The following PTPN22 variants were observed in gnomAD, a reference collection of about 807,000 sequenced individuals.
PTPN22 encodes the protein protein tyrosine phosphatase non-receptor type 22, also known as tyrosine-protein phosphatase non-receptor type 22.
A neutral mutation model predicts 103.3 loss-of-function variants in PTPN22; 85 were observed. The observed-to-expected ratio is 0.82, with a 90% confidence interval of 0.69 to 0.99. The LOEUF is 0.99. Among genes scored for constraint, PTPN22 ranks in the 50% least tolerant of loss-of-function variants. PTPN22 has a pLI of 0.00. For missense variants in PTPN22, 865 were observed against 936.9 expected (o/e 0.92, Z 1.00); for synonymous variants, 323 against 310.2 (o/e 1.04, Z -0.43).
chr1:113,825,197 GTTTT>G (rs572544778), intron 18 of PTPN22, 25 bp from the exon 19 acceptor site: 1 of 1,409,594 alleles, frequency 7.1e-7, no homozygotes, highest in Admixed American at 2.1e-5. Context: ...AAAAATGTTA[GTTTT>G]TTTTCCTGTG....
chr1:113,845,584 T>C (rs1251879921), intron 11 of PTPN22, among the ~76,000 whole-genome samples: 7 of 152,226 alleles, frequency 4.6e-5, no homozygotes, highest in Admixed American at 4.6e-4. Context: ...ATATTTTCCA[T>C]AAGCACTTTA....
intron 20 of PTPN22, 59 bp downstream of exon 20, chr1:113,819,518 T>C: frequency 7.8e-7 from 1 of 1,281,698 alleles, no homozygotes; most frequent in Non-Finnish European, 1.1e-6. Flanking sequence ...GAATCAGTTA[T>C]ACTGTAAATG....
intron 1 of PTPN22, among the ~76,000 whole-genome samples, chr1:113,861,078 G>A (rs1250641481): frequency 6.6e-6 from 1 of 152,040 alleles, no homozygotes; most frequent in Non-Finnish European, 1.5e-5. Flanking sequence ...AATCTAGCTG[G>A]ATGACAAAAG....
At chr1:113,824,966 C>CAAAAAGAA (rs1661919916) in intron 19 of PTPN22, among the ~76,000 whole-genome samples, 176 bp downstream of exon 19, 1 of 65,152 alleles carries the variant, frequency 1.5e-5, no homozygotes, top group Non-Finnish European at 3.0e-5. Flanking sequence ...TGAAGCCTAG[C>CAAAAAGAA]AAAAAAAAAA....
In PTPN22 at chr1:113,855,178, G is replaced by A. The variant is rs768153516; in HGVS notation, c.541-129C>T. The A allele has an allele frequency of 1.4e-4, 107 of 738,586 alleles. 1 individual carries two copies. The South Asian group carries it at 1.7e-3, about 12-fold the overall frequency. 45.8% of individuals were successfully genotyped at this position (738,586 alleles called of 1,614,324 possible). On this transcript the variant is annotated intron_variant, in intron 7 of 20. Coordinates refer to ENST00000359785, the Ensembl canonical transcript of PTPN22. ...GCATGCAACAAACCTGCACATTTAC[G>A]CCCTTGTGTCTTATATTCATAAGAT...
Position 113,829,938 on chromosome 1 carries a change from C to G in PTPN22, c.2134+11G>C. On this transcript the variant is annotated intron_variant, in intron 17 of 20. Coordinates refer to ENST00000359785, the Ensembl canonical transcript of PTPN22. ...TTTATGATTTTTTTGAGAGAAAGTG[C>G]TACCACTTACAATCTTCATCGGCAA... 3 of 1,575,166 alleles carry G rather than the reference C, an allele frequency of 1.9e-6. No individual in the cohort carries two copies. The highest frequency in any genetic ancestry group is 2.6e-6 in the Non-Finnish European group (3 of 1,145,386).
chr1:113,852,539 G>C (rs960942354), intron 9 of PTPN22, among the ~76,000 whole-genome samples: 3 of 152,180 alleles, frequency 2.0e-5, no homozygotes, highest in Non-Finnish European at 2.9e-5. Flanking sequence ...ATCTATTAAA[G>C]CATCTTTGGA....
At chr1:113,839,189 A>G (rs1663293775) in intron 11 of PTPN22, among the ~76,000 whole-genome samples, 1 of 152,100 alleles carries the variant, frequency 6.6e-6, no homozygotes, top group Non-Finnish European at 1.5e-5. Flanking sequence ...TGCATAAGGA[A>G]ACCTTCCCTG....
intron 1 of PTPN22, among the ~76,000 whole-genome samples, chr1:113,862,754 A>G (rs1199294723): frequency 2.0e-5 from 3 of 152,196 alleles, no homozygotes; most frequent in Non-Finnish European, 4.4e-5. Context: ...TCTGCAAGGT[A>G]GTTCCTCAGT....
chr1:113,866,764 G>A (rs1172963677), intron 1 of PTPN22, among the ~76,000 whole-genome samples: 1 of 152,084 alleles, frequency 6.6e-6, no homozygotes, highest in Non-Finnish European at 1.5e-5. Flanking sequence ...TCATGTGTGT[G>A]TATGACAGGG....
In PTPN22 at chr1:113,852,059, G is replaced by A. The variant is rs72650670; in HGVS notation, c.796C>T (p.Arg266Trp). The change falls in exon 10 of 21, where the codon CGG becomes TGG. Residue 266 changes from arginine to tryptophan, a missense_variant. Arg to Trp is a moderately radical substitution (Grantham distance 101). This residue lies in a region of PTPN22 where 457 missense variants were observed against 529.1 expected (regional missense o/e 0.86). Transcript: ENST00000359785. Reference sequence around the variant, plus strand: ...TGAACTAATGAAGGCCTCTGTGTCCGCATTTCCCGGATCAAACTGAAAACA... The same window carrying A: ...TGAACTAATGAAGGCCTCTGTGTCCACATTTCCCGGATCAAACTGAAAACA... The A allele has an allele frequency of 7.4e-6, 12 of 1,610,884 alleles. No individual in the cohort carries two copies. Among genetic ancestry groups the A allele is most frequent in the African/African-American group, 2.7e-5 (2 of 74,822 alleles).
In PTPN22 at chr1:113,871,532, C is replaced by T; in HGVS notation, c.87+5G>A. 1 of 1,613,308 alleles carries T rather than the reference C, an allele frequency of 6.2e-7. No homozygotes were observed. The highest frequency in any genetic ancestry group is 8.5e-7 in the Non-Finnish European group (1 of 1,179,304). ...TACCCTGAGAGGGTCACATACAGGA[C>T]TCACCAGAAATTCATTGGCAAACTC... On this transcript the variant is annotated splice_donor_5th_base_variant and intron_variant, in intron 1 of 20. Transcript: ENST00000359785.
chr1:113,816,624 A>G (rs1402121774), intron 20 of PTPN22, among the ~76,000 whole-genome samples: 1 of 151,860 alleles, frequency 6.6e-6, no homozygotes, highest in East Asian at 1.9e-4. Context: ...ATTTCAACCC[A>G]GAAGCCAGGC....
intron 11 of PTPN22, among the ~76,000 whole-genome samples, chr1:113,842,199 G>C (rs1355465041): frequency 6.6e-6 from 1 of 151,670 alleles, no homozygotes; most frequent in African/African-American, 2.4e-5. Flanking sequence ...GACAGAGCAA[G>C]ACCCTGACTA....
chr1:113,828,539 T>C (rs966632712), intron 18 of PTPN22, among the ~76,000 whole-genome samples: 40 of 152,196 alleles, frequency 2.6e-4, no homozygotes, highest in Non-Finnish European at 1.2e-4. Context: ...AGATACCACC[T>C]TCATTGTATA....
intron 1 of PTPN22, among the ~76,000 whole-genome samples, chr1:113,865,490 A>G (rs1193533649): frequency 6.6e-6 from 1 of 152,214 alleles, no homozygotes; most frequent in East Asian, 1.9e-4. Flanking sequence ...ACGGCAAAGC[A>G]CTTAGCAGAT....
At chr1:113,868,511 C>G (rs963356108) in intron 1 of PTPN22, among the ~76,000 whole-genome samples, 1 of 152,178 alleles carries the variant, frequency 6.6e-6, no homozygotes, top group South Asian at 2.1e-4. Context: ...CCTCTACTCC[C>G]CCAAAGCTCT....
intron 9 of PTPN22, among the ~76,000 whole-genome samples, chr1:113,854,199 A>G (rs888930853): frequency 2.0e-5 from 3 of 152,120 alleles, no homozygotes; most frequent in Non-Finnish European, 2.9e-5. Flanking sequence ...AAAACCGAAA[A>G]GAGGTGAAAT....
At chr1:113,819,953 G>GT (rs943550233) in intron 19 of PTPN22, 2,345 of 157,726 alleles carry the variant, frequency 0.015, 7 homozygotes, top group Middle Eastern at 0.031. Context: ...GCATTTTTTT[G>GT]TTTTTTTTTT....
Sources: gnomAD v4.1 joint callset for allele counts (sites outside exome capture counted in the v4.1 genomes callset) on GRCh38, gnomAD v4.1.1 for gene constraint, gnomAD v4.1.1 regional missense constraint, MANE v1.5 for transcripts, NCBI Gene and HGNC (gene_info 2026-07-23, HGNC 2026-07-21) for gene names.